Variants in MTCP1 observed in about 807,000 individuals in gnomAD.
The protein encoded by MTCP1 is protein p13 MTCP-1.
MTCP1 carries 2 observed loss-of-function variants against 10.6 expected under a neutral mutation model. That is an observed-to-expected ratio of 0.19 (90% CI 0.08 to 0.59). MTCP1 has a LOEUF of 0.59. Ranked by LOEUF, MTCP1 falls within the 20% of genes least tolerant of loss-of-function variation. The pLI is 0.90. For missense variants in MTCP1, 33 were observed against 91.5 expected (o/e 0.36, Z 2.61); for synonymous variants, 29 against 34.4 (o/e 0.84, Z 0.55).
At chrX:155,067,903 A>G (rs2073955044) in intron 1 of MTCP1, among the ~76,000 whole-genome samples, 1 of 112,337 alleles carries the variant, frequency 8.9e-6, no homozygotes, top group Admixed American at 9.4e-5. Context: ...TCTAGGCATA[A>G]GCCTCTGGCT....
intron 1 of MTCP1, among the ~76,000 whole-genome samples, chrX:155,067,858 T>C (rs1422987378): frequency 8.9e-6 from 1 of 112,033 alleles, no homozygotes; most frequent in African/African-American, 3.3e-5. Context: ...GTGGTTGTCA[T>C]GATTGGCTAT....
intron 1 of MTCP1, among the ~76,000 whole-genome samples, chrX:155,070,360 G>A (rs2073968117): frequency 8.9e-6 from 1 of 112,067 alleles, no homozygotes; most frequent in Admixed American, 9.4e-5. Flanking sequence ...ATTTAGAATC[G>A]CTTTCAAAAT....
chrX:155,067,546 CTCT>C (rs1441129305), intron 1 of MTCP1, among the ~76,000 whole-genome samples: 1 of 112,193 alleles, frequency 8.9e-6, no homozygotes, highest in Non-Finnish European at 1.9e-5. Context: ...CTCCCTGGGC[CTCT>C]CTGCCTATCT....
At chrX:155,067,955 C>T (rs1339145954) in intron 1 of MTCP1, among the ~76,000 whole-genome samples, 1 of 112,203 alleles carries the variant, frequency 8.9e-6, no homozygotes, top group East Asian at 2.8e-4. Flanking sequence ...TTCCCATTTG[C>T]AGATACAGTT....
At position 155,069,779 on chromosome X, in the gene MTCP1, A is replaced by G. The variant is rs782592384; in HGVS notation, c.-48+915T>C. On this transcript the variant is annotated intron_variant, in intron 1 of 4. Coordinates refer to ENST00000369476, the MANE Select transcript of MTCP1 (RefSeq NM_001018025.4). ...GGCAGCCATGAGCATTAGAAAAGTTAGTGAACCTCATTCTGGAATATGAGA... is the reference window on the plus strand; with the variant it reads ...GGCAGCCATGAGCATTAGAAAAGTTGGTGAACCTCATTCTGGAATATGAGA... Among the ~76,000 whole-genome samples, 72 of 112,338 alleles carry G rather than the reference A, an allele frequency of 6.4e-4. 1 individual carries two copies. Among genetic ancestry groups the G allele is most frequent in the Non-Finnish European group, 4.5e-4 (24 of 53,288 alleles).
In MTCP1 at chrX:155,065,958, T is replaced by G. The variant is rs1321419000; in HGVS notation, c.53A>C (p.Glu18Ala). ...CTGGTATTCGTCGCGGTAGATACCCTCTTGGTGAACCCAGAGGTGATCGGG... is the reference window on the plus strand; with the variant it reads ...CTGGTATTCGTCGCGGTAGATACCCGCTTGGTGAACCCAGAGGTGATCGGG... ...APPDHLWVHQEGIYRDEYQRT... is the reference protein window; with the variant it reads ...APPDHLWVHQAGIYRDEYQRT... Residue 18 changes from glutamate (E) to alanine (A), a missense_variant, in exon 2 of 5, where the codon GAG becomes GCG. Glu to Ala is a moderately radical substitution (Grantham distance 107, BLOSUM62 -1). Coordinates refer to ENST00000369476, the MANE Select transcript of MTCP1 (RefSeq NM_001018025.4). The G allele has an allele frequency of 1.7e-6, 2 of 1,210,442 alleles. No individual in the cohort carries two copies. Among genetic ancestry groups the G allele is most frequent in the African/African-American group, 3.5e-5 (2 of 57,291 alleles).
At chrX:155,066,676 T>G (rs1315257835) in intron 1 of MTCP1, among the ~76,000 whole-genome samples, 1 of 112,390 alleles carries the variant, frequency 8.9e-6, no homozygotes, top group Non-Finnish European at 1.9e-5. Context: ...GTAAGCTAGC[T>G]TCATGGAATT....
chrX:155,069,049 A>T (rs1407312307), intron 1 of MTCP1, among the ~76,000 whole-genome samples: 1 of 112,738 alleles, frequency 8.9e-6, no homozygotes, highest in Non-Finnish European at 1.9e-5. Context: ...ACTGGCCAAG[A>T]CAGACAATTT....
chrX:155,070,927 CAAAAT>C lies in MTCP1; in HGVS notation c.-286_-282del, dbSNP rs1219196107. On this transcript the variant is annotated 5_prime_UTR_variant, in exon 1 of 5. Coordinates refer to ENST00000369476, the MANE Select transcript of MTCP1 (RefSeq NM_001018025.4). ...CGGGGGCTGTGACTTGGAAATAAAA[CAAAAT>C]AAAATAAAACCTTAACTGTTTTGGG... 8.9e-6 allele frequency: 1 copy of C among 112,738 alleles called. No individual in the cohort carries two copies. The highest frequency in any genetic ancestry group is 1.9e-5 in the Non-Finnish European group (1 of 53,204). The allele number at this position is 112,738 out of a possible 1,213,427, so 9.3% of individuals were successfully genotyped here.
rs191093316 is a variant in MTCP1 at position 155,071,028 on chromosome X, G to A, written c.-382C>T. 1,276 of 112,852 alleles carry A rather than the reference G, an allele frequency of 0.011. 6 individuals carry two copies. Among genetic ancestry groups the A allele is most frequent in the Non-Finnish European group, 0.019 (994 of 53,147 alleles). 9.3% of individuals were successfully genotyped at this position (112,852 alleles called of 1,213,427 possible). A position where few individuals can be genotyped will look rare whatever the true frequency, so the allele number is the denominator to read the frequency against. On this transcript the variant is annotated 5_prime_UTR_variant, in exon 1 of 5. Transcript: ENST00000369476. Reference sequence around the variant, plus strand: ...CGCGGAGATGTCGTCTTAAAGGGCTGTCCCCCAAGCGTGTAGGCCGCGCAC... The same window carrying A: ...CGCGGAGATGTCGTCTTAAAGGGCTATCCCCCAAGCGTGTAGGCCGCGCAC...
chrX:155,065,550 G>T lies in MTCP1; in HGVS notation c.277-13C>A. 1.7e-6 allele frequency: 2 copies of T among 1,211,195 alleles called. No homozygotes were observed. The highest frequency in any genetic ancestry group is 2.2e-6 in the Non-Finnish European group (2 of 894,824). On this transcript the variant is annotated splice_polypyrimidine_tract_variant and intron_variant, in intron 3 of 4. Coordinates refer to ENST00000369476, the MANE Select transcript of MTCP1 (RefSeq NM_001018025.4). ...GTACTCCCCTGACCTGTCAGAAAAA[G>T]AAAAGTTTATGGAGTACTCTGTTAC... is the stretch of plus-strand genomic sequence containing the variant.
intron 1 of MTCP1, among the ~76,000 whole-genome samples, chrX:155,067,795 T>C (rs781900047): frequency 1.4e-4 from 16 of 112,284 alleles, no homozygotes; most frequent in African/African-American, 4.2e-4. Flanking sequence ...AATGTTTCAG[T>C]GAACAGGTGT....
Position 155,065,308 on chromosome X carries a change from A to G in MTCP1, c.*96T>C, listed in dbSNP as rs781809751. ...GTTTTTCAACCCACTCCCTCCCCCCAGGCCCAAGGGTGGGTGCACTGCAGT... is the reference window on the plus strand; with the variant it reads ...GTTTTTCAACCCACTCCCTCCCCCCGGGCCCAAGGGTGGGTGCACTGCAGT... On this transcript the variant is annotated 3_prime_UTR_variant, in exon 5 of 5. Coordinates refer to ENST00000369476, the MANE Select transcript of MTCP1 (RefSeq NM_001018025.4). 1.5e-4 allele frequency: 68 copies of G among 461,009 alleles called. No individual in the cohort carries two copies. Among genetic ancestry groups the G allele is most frequent in the Non-Finnish European group, 2.3e-4 (62 of 265,546 alleles). The allele number at this position is 461,009 out of a possible 1,213,427, so 38.0% of individuals were successfully genotyped here.
chrX:155,067,140 C>T (rs1466349190), intron 1 of MTCP1, among the ~76,000 whole-genome samples: 1 of 111,568 alleles, frequency 9.0e-6, no homozygotes, highest in Admixed American at 9.5e-5. Context: ...AGAAATGCAG[C>T]GTGGGAGGGT....
Position 155,064,122 on chromosome X carries a change from T to A in MTCP1, c.*1282A>T. ...TGGAATTTTCTTCTGAGACAAGCAGTATATGCCCTTACAATTGCTGGAAAA... is the reference window on the plus strand; with the variant it reads ...TGGAATTTTCTTCTGAGACAAGCAGAATATGCCCTTACAATTGCTGGAAAA... On this transcript the variant is annotated 3_prime_UTR_variant, in exon 5 of 5. Transcript: ENST00000369476. 1.8e-6 allele frequency: 1 copy of A among 566,602 alleles called. No individual in the cohort carries two copies. The allele number at this position is 566,602 out of a possible 1,213,427, so 46.7% of individuals were successfully genotyped here. A position where few individuals can be genotyped will look rare whatever the true frequency, so the allele number is the denominator to read the frequency against.
Position 155,070,822 on chromosome X carries a change from C to T in MTCP1, c.-176G>A, listed in dbSNP as rs1477836666. On this transcript the variant is annotated 5_prime_UTR_variant, in exon 1 of 5. Coordinates refer to ENST00000369476, the MANE Select transcript of MTCP1 (RefSeq NM_001018025.4). ...AGCCCGGGGTGAGCCGAGGGGCATCCCGGGCCGAGGTCACTCGAACCGAAG... is the reference window on the plus strand; with the variant it reads ...AGCCCGGGGTGAGCCGAGGGGCATCTCGGGCCGAGGTCACTCGAACCGAAG... 8.9e-6 allele frequency: 1 copy of T among 112,850 alleles called. No individual in the cohort carries two copies. Among genetic ancestry groups the T allele is most frequent in the Non-Finnish European group, 1.9e-5 (1 of 53,266 alleles). 9.3% of individuals were successfully genotyped at this position (112,850 alleles called of 1,213,427 possible).
Position 155,064,143 on chromosome X carries a change from G to A in MTCP1, c.*1261C>T. On this transcript the variant is annotated 3_prime_UTR_variant, in exon 5 of 5. Coordinates refer to ENST00000369476, the MANE Select transcript of MTCP1 (RefSeq NM_001018025.4). ...GCAGTATATGCCCTTACAATTGCTGGAAAATAATTACACTAAAAATACTCT... is the reference window on the plus strand; with the variant it reads ...GCAGTATATGCCCTTACAATTGCTGAAAAATAATTACACTAAAAATACTCT... 9 of 441,197 alleles carry A rather than the reference G, an allele frequency of 2.0e-5. No individual in the cohort carries two copies. Among genetic ancestry groups the A allele is most frequent in the Non-Finnish European group, 3.0e-5 (8 of 266,508 alleles). The allele number at this position is 441,197 out of a possible 1,213,427, so 36.4% of individuals were successfully genotyped here.
At position 155,070,795 on chromosome X, in the gene MTCP1, T is replaced by C. The variant is rs1416250378; in HGVS notation, c.-149A>G. The C allele has an allele frequency of 8.9e-6, 1 of 112,544 alleles. No homozygotes were observed. 9.3% of individuals were successfully genotyped at this position (112,544 alleles called of 1,213,427 possible). ...GGCCACTCAAGCCAGGATCGCGACG[T>C]GAGCCCGGGGTGAGCCGAGGGGCAT... On this transcript the variant is annotated 5_prime_UTR_variant, in exon 1 of 5. Transcript: ENST00000369476.
At chrX:155,067,085 G>A (rs2073951682) in intron 1 of MTCP1, among the ~76,000 whole-genome samples, 1 of 111,672 alleles carries the variant, frequency 9.0e-6, no homozygotes, top group Admixed American at 9.5e-5. Context: ...GCACTGGGGA[G>A]CTGCCCCTCA....
Sources: gnomAD v4.1 joint callset for allele counts (sites outside exome capture counted in the v4.1 genomes callset) on GRCh38, gnomAD v4.1.1 for gene constraint, MANE v1.5 for transcripts, NCBI Gene and HGNC (gene_info 2026-07-23, HGNC 2026-07-21) for gene names.